The following OPCML variants were observed in gnomAD, a reference collection of about 807,000 sequenced individuals.
OPCML encodes the protein opioid-binding protein/cell adhesion molecule.
A neutral mutation model predicts 37.8 loss-of-function variants in OPCML; 13 were observed. The observed-to-expected ratio is 0.34, with a 90% CI of 0.22 to 0.55. The LOEUF (loss-of-function observed/expected upper bound fraction) is 0.55, where lower values mean the gene tolerates loss of function less well. OPCML is among the 20% of genes least tolerant of loss of function. The probability of loss-of-function intolerance (pLI) is 0.91; values close to 1 mark genes in which losing one functional copy is unlikely to be tolerated. For missense variants in OPCML, 341 were observed against 435.6 expected, an observed-to-expected ratio of 0.78 and a Z score of 1.93; for synonymous variants, 176 against 168.8, an observed-to-expected ratio of 1.04 and a Z score of -0.33.
chr11:132,813,530 C>T (rs1939464413), intron 2 of OPCML, among the ~76,000 whole-genome samples: 1 of 152,214 alleles, frequency 6.6e-6, no homozygotes, highest in Non-Finnish European at 1.5e-5. Flanking sequence ...CCACAGCCTG[C>T]AGCAGCAACC....
chr11:133,310,452 A>T (rs1943040649), intron 1 of OPCML, among the ~76,000 whole-genome samples: 1 of 152,220 alleles, frequency 6.6e-6, no homozygotes, highest in African/African-American at 2.4e-5. Flanking sequence ...TAATTGGCAG[A>T]ATGGATACCT....
At chr11:133,108,157 C>CT (rs1450629289) in intron 1 of OPCML, among the ~76,000 whole-genome samples, 1 of 152,142 alleles carries the variant, frequency 6.6e-6, no homozygotes, top group African/African-American at 2.4e-5. Context: ...AAAAGATTTT[C>CT]TTTTTTAAAT....
chr11:133,491,305 A>T (rs1356143035), intron 1 of OPCML, among the ~76,000 whole-genome samples: 1 of 152,156 alleles, frequency 6.6e-6, no homozygotes, highest in African/African-American at 2.4e-5. Flanking sequence ...CCTTCCCCTC[A>T]GCATCACACA....
intron 2 of OPCML, among the ~76,000 whole-genome samples, chr11:132,786,438 T>G (rs1947214461): frequency 6.6e-6 from 1 of 152,200 alleles, no homozygotes; most frequent in South Asian, 2.1e-4. Flanking sequence ...ATAAAGTAAG[T>G]GATTTCACTA....
chr11:133,210,112 G>A (rs1939292103), intron 1 of OPCML, among the ~76,000 whole-genome samples: 1 of 152,192 alleles, frequency 6.6e-6, no homozygotes, highest in African/African-American at 2.4e-5. Flanking sequence ...AGACGAAGCT[G>A]GAACTGGGAC....
chr11:132,806,032 T>C (rs553859718), intron 2 of OPCML, among the ~76,000 whole-genome samples: 2 of 152,108 alleles, frequency 1.3e-5, no homozygotes, highest in South Asian at 2.1e-4. Context: ...TCAGAAAGTG[T>C]TGGGTGTGAA....
At chr11:133,281,131 T>C (rs78136849) in intron 1 of OPCML, among the ~76,000 whole-genome samples, 1,992 of 152,184 alleles carry the variant, frequency 0.013, 40 homozygotes, top group African/African-American at 0.044. Context: ...TTTGGAAGCT[T>C]GGAAAGGGGG....
chr11:132,438,614 A>G (rs2096021137), intron 4 of OPCML, among the ~76,000 whole-genome samples: 1 of 151,572 alleles, frequency 6.6e-6, no homozygotes, highest in Admixed American at 6.6e-5. Context: ...TAGGGTGTGC[A>G]GCAGGAATGT....
chr11:132,493,836 G>A (rs1002456105), intron 4 of OPCML, among the ~76,000 whole-genome samples: 3 of 152,216 alleles, frequency 2.0e-5, no homozygotes, highest in Non-Finnish European at 2.9e-5. Flanking sequence ...CAAATGCAAG[G>A]CATAGGAGCT....
rs374854527 is a variant in OPCML at position 132,567,832 on chromosome 11, G to A, written c.380-38646C>T. ...AAGCTTAGGTCTGAGATGACAGTCC[G>A]GGTAACTAAGGCTCTAGGAGTGGGC... On this transcript the variant is annotated intron_variant, in intron 3 of 7. Transcript: ENST00000524381. Among the ~76,000 whole-genome samples, 29 of 152,314 alleles carry A rather than the reference G, an allele frequency of 1.9e-4. No homozygotes were observed. In the East Asian group the frequency reaches 3.7e-3, roughly 19 times the overall value.
intron 1 of OPCML, among the ~76,000 whole-genome samples, chr11:133,145,808 G>T (rs1408509231): frequency 6.6e-6 from 1 of 152,180 alleles, no homozygotes; most frequent in African/African-American, 2.4e-5. Flanking sequence ...GCAGGCTGTG[G>T]TTGCTGAGTG....
At chr11:132,920,154 T>C (rs961188328) in intron 2 of OPCML, among the ~76,000 whole-genome samples, 6 of 152,240 alleles carry the variant, frequency 3.9e-5, no homozygotes, top group African/African-American at 7.2e-5. Flanking sequence ...ATGTGAATTA[T>C]ATCTCAATAA....
intron 2 of OPCML, among the ~76,000 whole-genome samples, chr11:132,667,922 T>C (rs1942290964): frequency 6.6e-6 from 1 of 152,208 alleles, no homozygotes; most frequent in African/African-American, 2.4e-5. Flanking sequence ...AATGCCTAGC[T>C]TCAGGCATAG....
At chr11:132,581,417 G>T (rs1297762732) in intron 3 of OPCML, among the ~76,000 whole-genome samples, 3 of 152,124 alleles carry the variant, frequency 2.0e-5, no homozygotes, top group African/African-American at 7.2e-5. Flanking sequence ...CCTATGTTTT[G>T]GTTTATTTGT....
At chr11:132,952,189 C>T (rs1945874925) in intron 1 of OPCML, among the ~76,000 whole-genome samples, 1 of 152,128 alleles carries the variant, frequency 6.6e-6, no homozygotes, top group Non-Finnish European at 1.5e-5. Context: ...GCCGAGAAGA[C>T]ATGGTGGCTT....
chr11:133,152,872 AT>A (rs1398882737), intron 1 of OPCML, among the ~76,000 whole-genome samples: 113 of 122,524 alleles, frequency 9.2e-4, no homozygotes, highest in Middle Eastern at 3.8e-3. Context: ...AAGTCAGGTT[AT>A]CCTTTTTTTT....
At chr11:133,189,781 A>G (rs1938228865) in intron 1 of OPCML, among the ~76,000 whole-genome samples, 1 of 152,240 alleles carries the variant, frequency 6.6e-6, no homozygotes, top group Non-Finnish European at 1.5e-5. Flanking sequence ...AATTCAAGGT[A>G]GACTCCCAAA....
chr11:132,741,626 T>A lies in OPCML; in HGVS notation c.147-84307A>T, dbSNP rs73599402. Among the ~76,000 whole-genome samples the A allele has an allele frequency of 3.6e-3, 542 of 152,332 alleles. 2 individuals carry two copies. The highest frequency in any genetic ancestry group is 0.011 in the African/African-American group (448 of 41,580). On this transcript the variant is annotated intron_variant, in intron 2 of 7. Coordinates refer to ENST00000524381, the MANE Select transcript of OPCML (RefSeq NM_001012393.5). Reference sequence around the variant, plus strand: ...CTTTAATCCATATAACTTAAGTCCTTATAATATTACAATTTCAACTCTAAT... The same window carrying A: ...CTTTAATCCATATAACTTAAGTCCTAATAATATTACAATTTCAACTCTAAT...
chr11:132,653,651 C>T (rs1941548425), intron 3 of OPCML, among the ~76,000 whole-genome samples: 1 of 152,164 alleles, frequency 6.6e-6, no homozygotes, highest in South Asian at 2.1e-4. Flanking sequence ...AAATTAGTTC[C>T]ATCAGATATG....
Sources: allele counts gnomAD v4.1 joint callset (sites outside exome capture counted in the v4.1 genomes callset), GRCh38; gene constraint gnomAD v4.1.1; transcripts MANE v1.5; gene names NCBI Gene and HGNC (gene_info 2026-07-23, HGNC 2026-07-21).